Variants in RNF157 observed in about 807,000 individuals in gnomAD.
RNF157 encodes the protein ring finger protein 157, also known as E3 ubiquitin ligase RNF157.
RNF157 carries 55 observed loss-of-function variants against 88.3 expected under a neutral mutation model. That is an observed-to-expected ratio of 0.62 (90% confidence interval 0.50 to 0.78). The LOEUF (loss-of-function observed/expected upper bound fraction) is 0.78, where lower values mean the gene tolerates loss of function less well. Among genes scored for constraint, RNF157 ranks in the 30% least tolerant of loss-of-function variants. The pLI is 0.00. For synonymous variants in RNF157, 334 were observed against 341.2 expected (o/e 0.98, Z 0.23); for missense variants, 788 against 860.8 (o/e 0.92, Z 1.06).
chr17:76,223,403 G>A (rs926597073), intron 1 of RNF157, among the ~76,000 whole-genome samples: 2 of 151,050 alleles, frequency 1.3e-5, no homozygotes, highest in Non-Finnish European at 2.9e-5. Context: ...GGCCAGACTG[G>A]TCTCGAACTC....
chr17:76,185,500 C>T (rs989520136), intron 2 of RNF157, among the ~76,000 whole-genome samples: 1 of 122,024 alleles, frequency 8.2e-6, no homozygotes, highest in African/African-American at 4.0e-5. Context: ...GACGGAGTCT[C>T]GCTCTGTCGC....
chr17:76,201,226 C>T (rs2069571383), intron 2 of RNF157, among the ~76,000 whole-genome samples: 2 of 150,090 alleles, frequency 1.3e-5, no homozygotes, highest in African/African-American at 5.0e-5. Flanking sequence ...TGGCTCACAC[C>T]TGTAATCCCA....
At chr17:76,172,434 A>G (rs1296335541) in intron 3 of RNF157, among the ~76,000 whole-genome samples, 1 of 151,872 alleles carries the variant, frequency 6.6e-6, no homozygotes, top group Non-Finnish European at 1.5e-5. Flanking sequence ...TCTACTAAAA[A>G]CACAAAATTA....
At chr17:76,153,043 C>T (rs1191801452) in intron 17 of RNF157, 1 of 152,196 alleles carries the variant, frequency 6.6e-6, no homozygotes, top group Non-Finnish European at 1.5e-5. Flanking sequence ...AAGTGGCTAA[C>T]CAGAAATCTA....
intron 1 of RNF157, among the ~76,000 whole-genome samples, chr17:76,228,414 C>T (rs1260486309): frequency 1.3e-5 from 2 of 152,178 alleles, no homozygotes; most frequent in Non-Finnish European, 2.9e-5. Context: ...CTCAAGGAGG[C>T]ATTCCTCCTT....
At chr17:76,200,519 C>T (rs1446366103) in intron 2 of RNF157, among the ~76,000 whole-genome samples, 2 of 152,064 alleles carry the variant, frequency 1.3e-5, no homozygotes, top group East Asian at 3.9e-4. Context: ...AGTAGTCAAA[C>T]TCATAGAGGC....
At chr17:76,155,129 ATGTCCCCTAGGAAGGCTTC>A in intron 16 of RNF157, 104 bp downstream of exon 16, 2 of 790,424 alleles carry the variant, frequency 2.5e-6, no homozygotes, top group South Asian at 3.1e-5. Flanking sequence ...TGATCTAGGC[ATGTCCCCTAGGAAGGCTTC>A]GTCAGCGCAG....
chr17:76,211,989 G>C (rs1168732806), intron 2 of RNF157: 1 of 160,156 alleles, frequency 6.2e-6, no homozygotes, highest in Non-Finnish European at 1.4e-5. Context: ...TGAAACTTAC[G>C]TTCTAGAGGA....
At chr17:76,206,032 C>A (rs1167927773) in intron 2 of RNF157, among the ~76,000 whole-genome samples, 1 of 152,088 alleles carries the variant, frequency 6.6e-6, no homozygotes, top group Non-Finnish European at 1.5e-5. Context: ...GAGTTTGAGA[C>A]CAGCCTGGGC....
Position 76,158,417 on chromosome 17 carries a change from T to C in RNF157, c.1389A>G (p.Arg463=), listed in dbSNP as rs1031384879. 1 of 1,613,272 alleles carries C rather than the reference T, an allele frequency of 6.2e-7. No individual in the cohort carries two copies. Among genetic ancestry groups the C allele is most frequent in the African/African-American group, 1.3e-5 (1 of 74,868 alleles). ...CSESETQLSQ[R]PSVQHLGEEC... Reference sequence around the variant, plus strand: ...CCTCTCCGAGATGCTGAACCGACGGTCTCTGAGAGAGCTGTGTCTCCGACT... The same window carrying C: ...CCTCTCCGAGATGCTGAACCGACGGCCTCTGAGAGAGCTGTGTCTCCGACT... The change falls in exon 13 of 19, where the codon AGA becomes AGG. Residue 463 remains arginine (R), a synonymous_variant. Coordinates refer to ENST00000269391, the MANE Select transcript of RNF157 (RefSeq NM_052916.3).
At position 76,158,398 on chromosome 17, in the gene RNF157, C is replaced by T. The variant is rs767608093; in HGVS notation, c.1408G>A (p.Gly470Arg). The change falls in exon 13 of 19, where the codon GGA becomes AGA. Residue 470 changes from glycine to arginine, a missense_variant. Gly to Arg is a moderately radical substitution (Grantham distance 125). Coordinates refer to ENST00000269391, the MANE Select transcript of RNF157 (RefSeq NM_052916.3). ...LSQRPSVQHL[G>R]EECGVTPESE... is the part of the protein sequence containing the mutation. ...AGGAGAGGAATGTCAATTACCTCTC[C>T]GAGATGCTGAACCGACGGTCTCTGA... 4.4e-6 allele frequency: 7 copies of T among 1,608,832 alleles called. No homozygotes were observed. Among genetic ancestry groups the T allele is most frequent in the African/African-American group, 2.7e-5 (2 of 74,782 alleles).
chr17:76,215,095 T>C (rs2069865534), intron 1 of RNF157, among the ~76,000 whole-genome samples: 1 of 152,154 alleles, frequency 6.6e-6, no homozygotes, highest in Non-Finnish European at 1.5e-5. Context: ...CTTGCTTGTG[T>C]ATAATACATT....
At chr17:76,151,036 C>T (rs897033880) in intron 18 of RNF157, among the ~76,000 whole-genome samples, 6 of 152,308 alleles carry the variant, frequency 3.9e-5, no homozygotes, top group Admixed American at 2.0e-4. Context: ...AGGCCAGGAG[C>T]GGGAAGGCAG....
chr17:76,154,010 C>A, intron 17 of RNF157: 2 of 402,410 alleles, frequency 5.0e-6, no homozygotes, highest in South Asian at 5.2e-5. Context: ...GCTTCCGAAT[C>A]TACTTCAGGT....
chr17:76,208,534 T>G (rs1400013538), intron 2 of RNF157, among the ~76,000 whole-genome samples: 1 of 152,186 alleles, frequency 6.6e-6, no homozygotes, highest in African/African-American at 2.4e-5. Flanking sequence ...AAACTAGGTG[T>G]TCAAATGTTA....
chr17:76,208,431 T>C (rs886662094), intron 2 of RNF157, among the ~76,000 whole-genome samples: 2 of 152,234 alleles, frequency 1.3e-5, no homozygotes, highest in African/African-American at 4.8e-5. Flanking sequence ...TGCCACATGT[T>C]CTTCACCTGT....
intron 18 of RNF157, among the ~76,000 whole-genome samples, chr17:76,151,106 G>T (rs1297461059): frequency 6.6e-6 from 1 of 152,246 alleles, no homozygotes; most frequent in African/African-American, 2.4e-5. Context: ...GCAGGAGGCT[G>T]GCCCCGTGGT....
chr17:76,200,868 C>A (rs751066873), intron 2 of RNF157, among the ~76,000 whole-genome samples: 1 of 152,160 alleles, frequency 6.6e-6, no homozygotes, highest in Non-Finnish European at 1.5e-5. Context: ...TGAATTACTG[C>A]ATGTTGGCAC....
chr17:76,168,887 G>GA (rs2068969495), intron 3 of RNF157, among the ~76,000 whole-genome samples: 1 of 152,232 alleles, frequency 6.6e-6, no homozygotes, highest in Non-Finnish European at 1.5e-5. Context: ...AAAAGACACT[G>GA]AAAGCCTTTT....
Sources: allele counts gnomAD v4.1 joint callset (sites outside exome capture counted in the v4.1 genomes callset), GRCh38; gene constraint gnomAD v4.1.1; transcripts MANE v1.5; gene names NCBI Gene and HGNC (gene_info 2026-07-23, HGNC 2026-07-21).